Variants in CORO7 observed in about 807,000 individuals in gnomAD.
CORO7 encodes the protein coronin-7.
In CORO7, 107 loss-of-function variants were observed where a neutral mutation model predicts 126.6. The ratio of observed to expected loss-of-function variants is 0.85; its 90% CI spans 0.72 to 0.99. CORO7 has a LOEUF of 0.99. Among genes scored for constraint, CORO7 ranks in the 50% least tolerant of loss-of-function variants. CORO7 has a pLI of 0.00. For missense variants in CORO7, 1,314 were observed against 1,255.8 expected (o/e 1.05, Z -0.70); for synonymous variants, 603 against 536.8 (o/e 1.12, Z -1.70).
intron 9 of CORO7, among the ~76,000 whole-genome samples, chr16:4,385,314 G>A (rs546181068): frequency 6.6e-6 from 1 of 152,144 alleles, no homozygotes; most frequent in Non-Finnish European, 1.5e-5. Flanking sequence ...CAGGACCCCA[G>A]CACCTGCTCC....
At chr16:4,407,016 C>T (rs9930451) in intron 5 of CORO7, among the ~76,000 whole-genome samples, 5,339 of 149,834 alleles carry the variant, frequency 0.036, 321 homozygotes, top group African/African-American at 0.12. Flanking sequence ...GGTGCAATCT[C>T]GGCTCACTGC....
At chr16:4,382,310 T>G (rs1449523930) in intron 9 of CORO7, 5 of 1,610,922 alleles carry the variant, frequency 3.1e-6, no homozygotes, top group Non-Finnish European at 4.2e-6. Context: ...TCCCTGCGCG[T>G]GGGGCTGCAG....
At chr16:4,390,744 C>G (rs917306) in intron 7 of CORO7, among the ~76,000 whole-genome samples, 24,042 of 152,194 alleles carry the variant, frequency 0.16, 4,080 homozygotes, top group African/African-American at 0.42. Flanking sequence ...CACAGAGAGA[C>G]GAAGCCATGG....
At chr16:4,393,427 G>A (rs972759352) in intron 7 of CORO7, among the ~76,000 whole-genome samples, 4 of 152,330 alleles carry the variant, frequency 2.6e-5, no homozygotes, top group South Asian at 4.1e-4. Context: ...CAGCAAGTAC[G>A]ACCAGGGTGT....
rs761999840 is a variant in CORO7 at position 4,364,281 on chromosome 16, C to T, written c.1270G>A (p.Ala424Thr). Residue 424 changes from alanine (A) to threonine (T), a missense_variant, in exon 14 of 28, where the codon GCA becomes ACA. By Grantham distance (58) the Ala-to-Thr change is moderately conservative. Coordinates refer to ENST00000251166, the MANE Select transcript of CORO7 (RefSeq NM_024535.5). ...VMETPVGDADASEGFSSPPSS... is the reference protein window; with the variant it reads ...VMETPVGDADTSEGFSSPPSS... The stretch of plus-strand genomic sequence containing the variant: ...GGGGCGGCCCTGGTACTTACGCTTG[C>T]GTCTGCATCACCCACGGGTGTCTCC... The T allele has an allele frequency of 1.4e-5, 21 of 1,540,396 alleles. No homozygotes were observed. Among genetic ancestry groups the T allele is most frequent in the South Asian group, 6.3e-5 (5 of 78,866 alleles).
chr16:4,374,509 A>T (rs2054649037), intron 9 of CORO7, among the ~76,000 whole-genome samples: 1 of 151,928 alleles, frequency 6.6e-6, no homozygotes, highest in Non-Finnish European at 1.5e-5. Context: ...GGGCTGCCTG[A>T]GAGATTTAAT....
Position 4,416,452 on chromosome 16 carries a change from G to T in CORO7, c.60+7C>A. The stretch of plus-strand genomic sequence containing the variant: ...GCGACAGCGCCCGGTCCTCGGGCCG[G>T]ACTCACCTCGCGGCGGGGCGGCCGA... On this transcript the variant is annotated splice_region_variant and intron_variant, in intron 1 of 27. Transcript: ENST00000251166. 1 of 1,572,086 alleles carries T rather than the reference G, an allele frequency of 6.4e-7. No homozygotes were observed. Among genetic ancestry groups the T allele is most frequent in the Non-Finnish European group, 8.6e-7 (1 of 1,163,510 alleles).
chr16:4,371,602 C>T (rs962843576), intron 9 of CORO7, among the ~76,000 whole-genome samples: 7 of 152,222 alleles, frequency 4.6e-5, no homozygotes, highest in Admixed American at 4.6e-4. Context: ...AATAGTCTCT[C>T]GCTTTTTACA....
At position 4,413,370 on chromosome 16, in the gene CORO7, G is replaced by T; in HGVS notation, c.95C>A (p.Pro32His). 1 of 1,584,502 alleles carries T rather than the reference G, an allele frequency of 6.3e-7. No individual in the cohort carries two copies. Among genetic ancestry groups the T allele is most frequent in the Non-Finnish European group, 8.6e-7 (1 of 1,164,220 alleles). ...WISDIRAGTA[P>H]SCRNHIKSSC... ...TGATTTGATGTGGTTCCTGCATGAA[G>T]GGGCGGTTCCTGCTCGAATGTCACT... The change falls in exon 2 of 28, where the codon CCT becomes CAT. Residue 32 changes from proline (P) to histidine (H), a missense_variant. Physicochemically the swap from Pro to His is moderately conservative, Grantham distance 77. Transcript: ENST00000251166.
chr16:4,363,920 G>A (rs1284210598), intron 14 of CORO7, among the ~76,000 whole-genome samples: 1 of 151,118 alleles, frequency 6.6e-6, no homozygotes, highest in African/African-American at 2.4e-5. Context: ...TCGGGAGGCT[G>A]AGGCAGGAGA....
intron 5 of CORO7, 117 bp downstream of exon 5, chr16:4,407,384 A>T: frequency 8.4e-7 from 1 of 1,183,674 alleles, no homozygotes; most frequent in Non-Finnish European, 1.2e-6. Context: ...TATACTATGT[A>T]AGTGTAAAAC....
chr16:4,412,613 G>A (rs1431409684), intron 2 of CORO7, 183 bp from the exon 3 acceptor site: 1 of 618,416 alleles, frequency 1.6e-6, no homozygotes, highest in Non-Finnish European at 2.8e-6. Flanking sequence ...CCCCATGCAT[G>A]AGCCATCCAT....
At chr16:4,388,702 T>A (rs1251924172) in intron 7 of CORO7, 71 bp from the exon 8 acceptor site, 1 of 1,505,774 alleles carries the variant, frequency 6.6e-7, no homozygotes, top group African/African-American at 1.4e-5. Flanking sequence ...GGAATGGGCC[T>A]GAGCTGGGGA....
chr16:4,413,203 T>C, intron 2 of CORO7, 105 bp downstream of exon 2: 2 of 1,245,224 alleles, frequency 1.6e-6, no homozygotes, highest in Admixed American at 2.4e-5. Flanking sequence ...AGCAGTTCCG[T>C]TCCAAGTCTC....
At chr16:4,415,915 G>T in intron 1 of CORO7, 1 of 985,534 alleles carries the variant, frequency 1.0e-6, no homozygotes, top group Non-Finnish European at 1.2e-6. Flanking sequence ...TTGCGCCAGC[G>T]GCGAGAGGAG....
intron 9 of CORO7, chr16:4,382,275 G>C: frequency 1.2e-6 from 2 of 1,608,866 alleles, no homozygotes; most frequent in Non-Finnish European, 1.7e-6. Context: ...CCCTGACCCT[G>C]GGCATCGAGC....
At chr16:4,367,542 G>C (rs866681766) in intron 9 of CORO7, among the ~76,000 whole-genome samples, 1 of 152,164 alleles carries the variant, frequency 6.6e-6, no homozygotes, top group Non-Finnish European at 1.5e-5. Context: ...CAATCCCATA[G>C]ACAAACATGT....
At chr16:4,364,503 G>C (rs2054284028) in intron 13 of CORO7, 90 bp from the exon 14 acceptor site, 2 of 1,489,772 alleles carry the variant, frequency 1.3e-6, no homozygotes, top group Admixed American at 4.4e-5. Context: ...AGGGATGGGG[G>C]GCACCCAGCA....
chr16:4,393,606 C>T (rs1012872183), intron 7 of CORO7, among the ~76,000 whole-genome samples: 3 of 152,122 alleles, frequency 2.0e-5, no homozygotes, highest in East Asian at 3.9e-4. Context: ...TCTGGGGCTC[C>T]GGGCTACCAC....
Sources: gnomAD v4.1 joint callset for allele counts (sites outside exome capture counted in the v4.1 genomes callset) on GRCh38, gnomAD v4.1.1 for gene constraint, MANE v1.5 for transcripts, NCBI Gene and HGNC (gene_info 2026-07-23, HGNC 2026-07-21) for gene names.